Variants in ZNF548 observed in about 807,000 individuals in gnomAD.
ZNF548 encodes zinc finger protein 548.
ZNF548 carries 10 observed loss-of-function variants against 10.2 expected under a neutral mutation model. The ratio of observed to expected loss-of-function variants is 0.98; its 90% confidence interval spans 0.60 to 1.66. The LOEUF is 1.66. Ranked by LOEUF, ZNF548 falls within the 40% of genes most tolerant of loss-of-function variation. The pLI is 0.00. For synonymous variants in ZNF548, 217 were observed against 223.5 expected (o/e 0.97, Z 0.26); for missense variants, 599 against 657.0 (o/e 0.91, Z 0.97).
chr19:57,390,078 T>C lies in ZNF548; in HGVS notation c.-22T>C, dbSNP rs1275126253. On this transcript the variant is annotated 5_prime_UTR_variant, in exon 1 of 4. Transcript: ENST00000336128. ...CGCTCCCGCCCCGCTCTTCCCTGGC[T>C]GGGCTGGCGGAGGCCTTGCTGATGA... is the stretch of plus-strand genomic sequence containing the variant. 4 of 1,608,814 alleles carry C rather than the reference T, an allele frequency of 2.5e-6. No individual in the cohort carries two copies. In the African/African-American group the frequency reaches 5.3e-5, roughly 21 times the overall value.
In ZNF548 at chr19:57,398,788, C is replaced by A; in HGVS notation, c.537C>A (p.Cys179Ter). 1 of 1,614,026 alleles carries A rather than the reference C, an allele frequency of 6.2e-7. No homozygotes were observed. Among genetic ancestry groups the A allele is most frequent in the Non-Finnish European group, 8.5e-7 (1 of 1,179,902 alleles). The change falls in exon 4 of 4, where the codon TGC becomes TGA. Residue 179 changes from cysteine to a stop codon, truncating the protein, a stop_gained. Coordinates refer to ENST00000336128, the MANE Select transcript of ZNF548 (RefSeq NM_001172773.2). LOFTEE classifies it low-confidence loss of function (END_TRUNC). The stretch of plus-strand genomic sequence containing the variant: ...GGAAGGACTTACCAGCCACCTCATG[C>A]CTTCTCCAGCACCAGGGCCCTCAAA... ...EGWKDLPATSCLLQHQGPQSE... is the reference protein window; with the variant it reads ...EGWKDLPATS
At chr19:57,392,488 C>T (rs2123037863) in intron 1 of ZNF548, among the ~76,000 whole-genome samples, 1 of 152,262 alleles carries the variant, frequency 6.6e-6, no homozygotes, top group African/African-American at 2.4e-5. Flanking sequence ...GGTCCAGATT[C>T]ATTCTTTTTC....
rs7256988 is a variant in ZNF548 at position 57,392,135 on chromosome 19, T to G, written c.15+2021T>G. On this transcript the variant is annotated intron_variant, in intron 1 of 3. Coordinates refer to ENST00000336128, the MANE Select transcript of ZNF548 (RefSeq NM_001172773.2). ...GTTAATGAGATTTTTTGTTGTTGTT[T>G]TTTTGTTATGTTTTGTTTGTTTGTT... Among the ~76,000 whole-genome samples, 453 of 151,944 alleles carry G rather than the reference T, an allele frequency of 3.0e-3. 4 individuals are homozygous for G. The highest frequency in any genetic ancestry group is 3.6e-3 in the Non-Finnish European group (244 of 67,960).
In ZNF548 at chr19:57,400,775, T is replaced by C. The variant is rs2088709993; in HGVS notation, c.*886T>C. 1 of 152,226 alleles carries C rather than the reference T, an allele frequency of 6.6e-6. No homozygotes were observed. The allele number at this position is 152,226 out of a possible 1,614,324, so 9.4% of individuals were successfully genotyped here. On this transcript the variant is annotated 3_prime_UTR_variant, in exon 4 of 4. Coordinates refer to ENST00000336128, the MANE Select transcript of ZNF548 (RefSeq NM_001172773.2). ...TATTTTTGGGAAAATTTTTCCATAG[T>C]ACCTGTGCCATTTTACATTCCCACC...
rs183073715 is a variant in ZNF548 at position 57,392,298 on chromosome 19, G to A, written c.16-1890G>A. Among the ~76,000 whole-genome samples the A allele has an allele frequency of 3.9e-3, 597 of 152,172 alleles. 5 individuals carry two copies. The highest frequency in any genetic ancestry group is 0.014 in the African/African-American group (570 of 41,512). ...ATACAGAAGCTGTTTAGTTTAATTA[G>A]GTCCTGTCTACTTTTGTTTATGTTG... On this transcript the variant is annotated intron_variant, in intron 1 of 3. Coordinates refer to ENST00000336128, the MANE Select transcript of ZNF548 (RefSeq NM_001172773.2).
rs1471235040 is a variant in ZNF548, at chr19:57,395,013, TGGA to T, written c.51+795_51+797del. On this transcript the variant is annotated intron_variant, in intron 2 of 3. Transcript: ENST00000336128. This position sits in a 1 kb window ranked among gnomAD's most constrained non-coding sequence, Gnocchi z 4.8. ...CCACAGATGTCTCAGAGACTCCTGA[TGGA>T]GGAGTTCAGGTTGGAGATGTCCACA... Among the ~76,000 whole-genome samples, 2 of 151,904 alleles carry T rather than the reference TGGA, an allele frequency of 1.3e-5. No homozygotes were observed. Among genetic ancestry groups the T allele is most frequent in the East Asian group, 3.8e-4 (2 of 5,200 alleles).
At chr19:57,391,121 T>C (rs1238555587) in intron 1 of ZNF548, among the ~76,000 whole-genome samples, 1 of 152,186 alleles carries the variant, frequency 6.6e-6, no homozygotes, top group African/African-American at 2.4e-5. Context: ...CTCATCCTTC[T>C]ACCTGTTTGG....
intron 3 of ZNF548, among the ~76,000 whole-genome samples, chr19:57,397,516 T>C (rs771207659): frequency 4.6e-5 from 7 of 152,128 alleles, no homozygotes; most frequent in Non-Finnish European, 8.8e-5. Context: ...CACTGATATT[T>C]CTTGGTGCCT....
rs1362659612 is a variant in ZNF548 at position 57,400,879 on chromosome 19, G to A, written c.*990G>A. ...TCTATTTCTGTTTTTGGGGTTTTTT[G>A]TAGTGCCTTTTGTTTTGGATAGCAG... On this transcript the variant is annotated 3_prime_UTR_variant, in exon 4 of 4. Transcript: ENST00000336128. 1 of 152,064 alleles carries A rather than the reference G, an allele frequency of 6.6e-6. No individual in the cohort carries two copies. Among genetic ancestry groups the A allele is most frequent in the African/African-American group, 2.4e-5 (1 of 41,406 alleles). 9.4% of individuals were successfully genotyped at this position (152,064 alleles called of 1,614,324 possible).
intron 1 of ZNF548, among the ~76,000 whole-genome samples, chr19:57,393,562 A>G (rs1243877925): frequency 6.6e-6 from 1 of 151,516 alleles, no homozygotes; most frequent in Non-Finnish European, 1.5e-5. Flanking sequence ...CAGGAGGCTG[A>G]GGCAGGCGAA....
chr19:57,392,344 T>C (rs1421897705), intron 1 of ZNF548, among the ~76,000 whole-genome samples: 1 of 152,212 alleles, frequency 6.6e-6, no homozygotes, highest in Non-Finnish European at 1.5e-5. Flanking sequence ...TGAAGTCTTA[T>C]TCATGAATTT....
chr19:57,391,980 G>C (rs926249655), intron 1 of ZNF548, among the ~76,000 whole-genome samples: 1 of 151,898 alleles, frequency 6.6e-6, no homozygotes, highest in Admixed American at 6.6e-5. Flanking sequence ...TGTATTTTTA[G>C]TAGAGACGGG....
Position 57,395,444 on chromosome 19 carries a change from T to TCTTTC in ZNF548, c.51+1221_51+1222insCTTTC, listed in dbSNP as rs1421267884. Reference sequence around the variant, plus strand: ...CTGGGTAATTTATGAAGAAAAGAGGTTTAACCAACTCACAGTTCTTCAGGC... The same window carrying TCTTTC: ...CTGGGTAATTTATGAAGAAAAGAGGTCTTTCTTAACCAACTCACAGTTCTTCAGGC... On this transcript the variant is annotated intron_variant, in intron 2 of 3. Coordinates refer to ENST00000336128, the MANE Select transcript of ZNF548 (RefSeq NM_001172773.2). This position sits in a 1 kb window ranked among gnomAD's most constrained non-coding sequence, Gnocchi z 4.8. 6.6e-6 allele frequency among the ~76,000 whole-genome samples: 1 copy of TCTTTC among 151,874 alleles called. No homozygotes were observed. Among genetic ancestry groups the TCTTTC allele is most frequent in the African/African-American group, 2.4e-5 (1 of 41,316 alleles).
At position 57,398,544 on chromosome 19, in the gene ZNF548, G is replaced by A. The variant is rs887785832; in HGVS notation, c.293G>A (p.Ser98Asn). 1 of 1,614,086 alleles carries A rather than the reference G, an allele frequency of 6.2e-7. No homozygotes were observed. ...CTGTCCAGCCAGAAGGTCCACCCTA[G>A]TGAGACATGTGGCCCACCCTTGAAA... Reference protein sequence around the residue: ...PCLSSQKVHPSETCGPPLKDI... With the variant: ...PCLSSQKVHPNETCGPPLKDI... The change falls in exon 4 of 4, where the codon AGT becomes AAT. Residue 98 changes from serine to asparagine, a missense_variant. Physicochemically the swap from Ser to Asn is conservative, Grantham distance 46 (BLOSUM62 1). Transcript: ENST00000336128.
At chr19:57,392,741 T>C in intron 1 of ZNF548, 1 of 982,684 alleles carries the variant, frequency 1.0e-6, no homozygotes, top group Non-Finnish European at 1.2e-6. Flanking sequence ...TAACAACTTG[T>C]AGTATAATTT....
At position 57,398,531 on chromosome 19, in the gene ZNF548, A is replaced by G. The variant is rs769251669; in HGVS notation, c.280A>G (p.Lys94Glu). Reference sequence around the variant, plus strand: ...TTCAAAGCCCTGTCTGTCCAGCCAGAAGGTCCACCCTAGTGAGACATGTGG... The same window carrying G: ...TTCAAAGCCCTGTCTGTCCAGCCAGGAGGTCCACCCTAGTGAGACATGTGG... ...TASKPCLSSQ[K>E]VHPSETCGPP... Residue 94 changes from lysine to glutamate, a missense_variant, in exon 4 of 4, where the codon AAG becomes GAG. Transcript: ENST00000336128. 1.5e-5 allele frequency: 24 copies of G among 1,613,992 alleles called. No homozygotes were observed. The highest frequency in any genetic ancestry group is 1.7e-5 in the Admixed American group (1 of 60,014).
chr19:57,391,492 G>A (rs2088624629), intron 1 of ZNF548, among the ~76,000 whole-genome samples: 1 of 151,982 alleles, frequency 6.6e-6, no homozygotes, highest in African/African-American at 2.4e-5. Context: ...TAGTGGAATT[G>A]GTGGATTTAA....
At chr19:57,390,405 T>G in intron 1 of ZNF548, 1 of 368,874 alleles carries the variant, frequency 2.7e-6, no homozygotes, top group South Asian at 8.3e-5. Flanking sequence ...GAGCAGCCAG[T>G]AACCATGGAA....
intron 2 of ZNF548, 30 bp downstream of exon 2, chr19:57,394,253 A>C: frequency 2.5e-6 from 4 of 1,595,538 alleles, no homozygotes; most frequent in Non-Finnish European, 3.4e-6. Flanking sequence ...CTATTCACCC[A>C]CCCTGGTTAT....
Sources: gnomAD v4.1 joint callset for allele counts (sites outside exome capture counted in the v4.1 genomes callset) on GRCh38, gnomAD v4.1.1 for gene constraint, Gnocchi (gnomAD v3.1) non-coding constraint, MANE v1.5 for transcripts, NCBI Gene and HGNC (gene_info 2026-07-23, HGNC 2026-07-21) for gene names.